The following PDE4DIP variants were observed in gnomAD, a reference collection of about 807,000 sequenced individuals.
PDE4DIP encodes phosphodiesterase 4D interacting protein, also known as myomegalin.
In PDE4DIP, 59 loss-of-function variants were observed where a neutral mutation model predicts 221.4. That is an observed-to-expected ratio of 0.27 (90% CI 0.22 to 0.33). PDE4DIP has a LOEUF of 0.33. Ranked by LOEUF, PDE4DIP falls within the 10% of genes least tolerant of loss-of-function variation. The pLI is 1.00. For missense variants in PDE4DIP, 1,036 were observed against 2,154.2 expected, an observed-to-expected ratio of 0.48 and a Z score of 10.28; for synonymous variants, 404 against 815.9, an observed-to-expected ratio of 0.50 and a Z score of 8.60.
Position 148,929,259 on chromosome 1 carries a change from T to A in PDE4DIP, c.204T>A (p.His68Gln), listed in dbSNP as rs587643669. ...GAGAACTCCAGGACAAGAAACAGCA[T>A]CTGGATAAAACATGGTAAGTTGTAA... is the stretch of plus-strand genomic sequence containing the variant. The change falls in exon 2 of 44, where the codon CAT (histidine) becomes CAA (glutamine). Residue 68 changes from histidine to glutamine, a missense_variant. Transcript: ENST00000369354. The A allele has an allele frequency of 9.3e-6, 15 of 1,612,600 alleles. No homozygotes were observed. The South Asian group carries it at 1.7e-4, about 18-fold the overall frequency.
exon 21 of PDE4DIP, chr1:148,981,332 TAGA>T (rs1357731949): frequency 5.6e-6 from 9 of 1,614,032 alleles, no homozygotes; most frequent in Non-Finnish European, 7.6e-6. Flanking sequence ...CGCAGTCGGC[TAGA>T]AGAAGTTCTT....
chr1:148,958,020 A>G (rs1418376264), intron 5 of PDE4DIP, among the ~76,000 whole-genome samples: 1 of 148,282 alleles, frequency 6.7e-6, no homozygotes, highest in Non-Finnish European at 1.5e-5. Context: ...GAATTTATTT[A>G]TTAGTTAGAA....
rs1202453030 is a variant in PDE4DIP at position 149,030,035 on chromosome 1, A to G, written c.6952+110A>G. The G allele has an allele frequency of 2.0e-3, 1,547 of 788,080 alleles. 24 individuals are homozygous for G. The South Asian group carries it at 0.023, about 12-fold the overall frequency. The allele number at this position is 788,080 out of a possible 1,614,324, so 48.8% of individuals were successfully genotyped here. A position where few individuals can be genotyped will look rare whatever the true frequency, so the allele number is the denominator to read the frequency against. On this transcript the variant is annotated intron_variant, in intron 42 of 43. Coordinates refer to ENST00000369354, the Ensembl canonical transcript of PDE4DIP. ...GGGCTTGGGGATGTTGGGAGTTGAGACTGATTTGATGTCCCCAAACCTCCT... is the reference window on the plus strand; with the variant it reads ...GGGCTTGGGGATGTTGGGAGTTGAGGCTGATTTGATGTCCCCAAACCTCCT...
At chr1:149,023,665 T>C (rs112568562) in intron 37 of PDE4DIP, among the ~76,000 whole-genome samples, 5,031 of 74,856 alleles carry the variant, frequency 0.067, 115 homozygotes, top group East Asian at 0.23. Flanking sequence ...TGTATATGTG[T>C]GCACATATAT....
At chr1:148,983,225 C>T (rs1207264134) in intron 21 of PDE4DIP, 3 of 152,134 alleles carry the variant, frequency 2.0e-5, no homozygotes, top group African/African-American at 7.2e-5. Context: ...ACTAGTTTGT[C>T]GTGTCATTAC....
chr1:149,010,455 A>G (rs782507267), exon 31 of PDE4DIP: 2 of 1,613,188 alleles, frequency 1.2e-6, no homozygotes, highest in African/African-American at 2.7e-5. Context: ...TCCATCCATC[A>G]TTCGAGTCAT....
chr1:148,992,469 C>G, intron 22 of PDE4DIP: 2 of 1,281,918 alleles, frequency 1.6e-6, no homozygotes, highest in East Asian at 5.7e-5. Context: ...ACAAAGAGAA[C>G]CTTATGCAAC....
intron 32 of PDE4DIP, among the ~76,000 whole-genome samples, chr1:149,015,151 A>T (rs2070004874): frequency 1.3e-5 from 2 of 152,010 alleles, no homozygotes; most frequent in African/African-American, 4.8e-5. Context: ...AGACTTCCCA[A>T]ACTTCTGCCT....
intron 4 of PDE4DIP, among the ~76,000 whole-genome samples, chr1:148,933,168 G>A (rs1249196190): frequency 6.6e-6 from 1 of 152,134 alleles, no homozygotes; most frequent in Non-Finnish European, 1.5e-5. Flanking sequence ...CGAAATCTGA[G>A]CTGAGCTTTG....
chr1:148,983,391 C>G (rs2061420754), intron 21 of PDE4DIP: 1 of 152,104 alleles, frequency 6.6e-6, no homozygotes, highest in Non-Finnish European at 1.5e-5. Context: ...CTACTTCTGT[C>G]AACCTCCAGC....
In PDE4DIP at chr1:149,023,699, T is replaced by C. The variant is rs587630728; in HGVS notation, c.6086-746T>C. 3.5e-4 allele frequency among the ~76,000 whole-genome samples: 32 copies of C among 92,534 alleles called. 1 individual carries two copies. The highest frequency in any genetic ancestry group is 1.5e-3 in the African/African-American group (31 of 21,320). 60.7% of individuals were successfully genotyped at this position (92,534 alleles called of 152,430 possible). A position where few individuals can be genotyped will look rare whatever the true frequency, so the allele number is the denominator to read the frequency against. ...ATATGTACATGTATATGTGTGCACA[T>C]ATATATGTACATGTATATGTGTGCA... On this transcript the variant is annotated intron_variant, in intron 37 of 43. Transcript: ENST00000369354.
chr1:148,815,228 C>T (rs1471066623), intron 1 of PDE4DIP, among the ~76,000 whole-genome samples: 1 of 127,770 alleles, frequency 7.8e-6, no homozygotes, highest in Non-Finnish European at 1.7e-5. Context: ...TTACCTACTG[C>T]TGAGACCATC....
intron 5 of PDE4DIP, chr1:148,953,829 G>A (rs1553498165): frequency 4.5e-6 from 7 of 1,553,630 alleles, no homozygotes; most frequent in African/African-American, 1.4e-5. Flanking sequence ...ACACCTGTGA[G>A]TTATCCCTTG....
chr1:148,979,899 C>T (rs1553540925), intron 20 of PDE4DIP, 50 bp downstream of exon 23: 4 of 1,585,018 alleles, frequency 2.5e-6, no homozygotes, highest in Non-Finnish European at 3.4e-6. Flanking sequence ...ATTTTTATTT[C>T]TTTTACTATT....
chr1:149,018,065 C>T lies in PDE4DIP; in HGVS notation c.5650+186C>T, dbSNP rs587693337. On this transcript the variant is annotated intron_variant, in intron 34 of 43. Transcript: ENST00000369354. ...AGTAACTCTCTTTAAGGCAGAACTA[C>T]GTCTGATGCCCAGAGTCACCTGACT... is the stretch of plus-strand genomic sequence containing the variant. 3.3e-5 allele frequency among the ~76,000 whole-genome samples: 5 copies of T among 152,182 alleles called. No individual in the cohort carries two copies. The South Asian group carries it at 6.2e-4, about 19-fold the overall frequency.
intron 1 of PDE4DIP, among the ~76,000 whole-genome samples, chr1:148,821,041 C>T (rs1433758918): frequency 2.7e-5 from 4 of 150,078 alleles, no homozygotes; most frequent in Non-Finnish European, 5.9e-5. Flanking sequence ...TCAGTAGAGA[C>T]GGGGTTTCAC....
chr1:148,940,419 T>C (rs2050261440), intron 5 of PDE4DIP, among the ~76,000 whole-genome samples: 1 of 152,224 alleles, frequency 6.6e-6, no homozygotes, highest in Admixed American at 6.5e-5. Flanking sequence ...ACGTTGTACA[T>C]TTCAAAACCT....
At chr1:148,893,065 C>CTGTGTGTGTGTG (rs60364665) in intron 1 of PDE4DIP, among the ~76,000 whole-genome samples, 11 of 77,720 alleles carry the variant, frequency 1.4e-4, no homozygotes, top group East Asian at 5.0e-4. Context: ...ATGTGTGTGT[C>CTGTGTGTGTGTG]TGTGTGTGTG....
chr1:148,965,991 TG>T (rs1186759205), intron 10 of PDE4DIP, among the ~76,000 whole-genome samples: 1 of 18,146 alleles, frequency 5.5e-5, no homozygotes, highest in Admixed American at 5.0e-4. Flanking sequence ...GTTTAATAGA[TG>T]AAGACAAACT....
Sources: allele counts gnomAD v4.1 joint callset (sites outside exome capture counted in the v4.1 genomes callset), GRCh38; gene constraint gnomAD v4.1.1; transcripts MANE v1.5; gene names NCBI Gene and HGNC (gene_info 2026-07-23, HGNC 2026-07-21).